Variants in ERC2 observed in about 807,000 individuals in gnomAD.
ERC2 encodes the protein ELKS/RAB6-interacting/CAST family member 2, also known as ERC protein 2.
ERC2 carries 42 observed loss-of-function variants against 114.8 expected under a neutral mutation model. The observed-to-expected ratio is 0.37, with a 90% CI of 0.29 to 0.47. The LOEUF (loss-of-function observed/expected upper bound fraction) is 0.47, where lower values mean the gene tolerates loss of function less well. ERC2 is among the 20% of genes least tolerant of loss of function. The probability of loss-of-function intolerance (pLI) is 0.99; values close to 1 mark genes in which losing one functional copy is unlikely to be tolerated. For synonymous variants in ERC2, 454 were observed against 425.5 expected, an observed-to-expected ratio of 1.07 and a Z score of -0.82; for missense variants, 939 against 1,150.7, an observed-to-expected ratio of 0.82 and a Z score of 2.66.
intron 17 of ERC2, among the ~76,000 whole-genome samples, chr3:55,614,607 TC>T (rs2059049614): frequency 6.6e-6 from 1 of 152,208 alleles, no homozygotes; most frequent in Non-Finnish European, 1.5e-5. Flanking sequence ...TACCCAATGA[TC>T]TATTATATCA....
At chr3:56,216,229 A>G (rs1479887433) in intron 3 of ERC2, among the ~76,000 whole-genome samples, 2 of 152,196 alleles carry the variant, frequency 1.3e-5, no homozygotes. Context: ...AAGATCAACA[A>G]AATTGATAGA....
chr3:56,149,235 T>C (rs2081297103), intron 4 of ERC2, 103 bp from the exon 5 acceptor site: 1 of 1,120,414 alleles, frequency 8.9e-7, no homozygotes, highest in Admixed American at 2.6e-5. Context: ...TGCTGTCACA[T>C]ATTAACCATG....
At chr3:56,420,676 G>A (rs1458544184) in intron 2 of ERC2, among the ~76,000 whole-genome samples, 1 of 151,146 alleles carries the variant, frequency 6.6e-6, no homozygotes, top group Non-Finnish European at 1.5e-5. Flanking sequence ...ACGAGGTCAG[G>A]AGATCGAGAC....
In ERC2 at chr3:55,845,503, C is replaced by CAAAA. The variant is rs764740068; in HGVS notation, c.2564+42882_2564+42885dup. On this transcript the variant is annotated intron_variant, in intron 14 of 17. Coordinates refer to ENST00000288221, the MANE Select transcript of ERC2 (RefSeq NM_015576.3). Reference sequence around the variant, plus strand: ...TGGGCGACAGAGCGAGACTCCGTCTCAAAAAAAAAAAAAAAAAAAAAAAGG... The same window carrying CAAAA: ...TGGGCGACAGAGCGAGACTCCGTCTCAAAAAAAAAAAAAAAAAAAAAAAAAAAGG... 4.6e-3 allele frequency among the ~76,000 whole-genome samples: 292 copies of CAAAA among 64,018 alleles called. 6 individuals are homozygous for CAAAA. Among genetic ancestry groups the CAAAA allele is most frequent in the African/African-American group, 0.015 (255 of 16,816 alleles). The allele number at this position is 64,018 out of a possible 152,430, so 42.0% of individuals were successfully genotyped here. A position where few individuals can be genotyped will look rare whatever the true frequency, so the allele number is the denominator to read the frequency against.
At chr3:55,514,029 C>T (rs2052309600) in intron 17 of ERC2, among the ~76,000 whole-genome samples, 1 of 152,184 alleles carries the variant, frequency 6.6e-6, no homozygotes. Context: ...GGAGTGAGAA[C>T]GTTTCAGACC....
At chr3:55,689,926 C>A (rs780134148) in intron 16 of ERC2, among the ~76,000 whole-genome samples, 2 of 152,168 alleles carry the variant, frequency 1.3e-5, no homozygotes, top group African/African-American at 4.8e-5. Flanking sequence ...GTGGATGTTA[C>A]AGACTTAGAC....
At chr3:56,465,324 G>A (rs139127722) in intron 1 of ERC2, among the ~76,000 whole-genome samples, 2,899 of 152,230 alleles carry the variant, frequency 0.019, 38 homozygotes, top group Middle Eastern at 0.068. Flanking sequence ...ACTTGAACCC[G>A]GGAGGCAGAG....
chr3:56,169,431 C>T (rs1033375241), intron 4 of ERC2, among the ~76,000 whole-genome samples: 1 of 152,154 alleles, frequency 6.6e-6, no homozygotes, highest in South Asian at 2.1e-4. Flanking sequence ...ATTATTATTA[C>T]TCTAAGGGTT....
chr3:56,124,209 C>T (rs1444222302), intron 6 of ERC2, among the ~76,000 whole-genome samples: 1 of 152,106 alleles, frequency 6.6e-6, no homozygotes, highest in Non-Finnish European at 1.5e-5. Flanking sequence ...TGCATTAATG[C>T]CATTAGTGAC....
intron 17 of ERC2, among the ~76,000 whole-genome samples, chr3:55,603,096 A>T (rs965281729): frequency 1.2e-4 from 18 of 152,132 alleles, no homozygotes; most frequent in African/African-American, 4.3e-4. Flanking sequence ...TTTACCAGGT[A>T]AGGAGAAGCT....
intron 14 of ERC2, among the ~76,000 whole-genome samples, chr3:55,867,055 T>C (rs2149274033): frequency 6.6e-6 from 1 of 152,232 alleles, no homozygotes; most frequent in East Asian, 1.9e-4. Context: ...TGTTTTGTTT[T>C]GTTTTGTTGC....
At chr3:55,876,190 C>T (rs1010554632) in intron 14 of ERC2, among the ~76,000 whole-genome samples, 1 of 152,168 alleles carries the variant, frequency 6.6e-6, no homozygotes, top group African/African-American at 2.4e-5. Flanking sequence ...TGAAATAGCT[C>T]GTTCCAGTGA....
intron 13 of ERC2, among the ~76,000 whole-genome samples, chr3:55,911,194 C>T (rs949118905): frequency 1.3e-5 from 2 of 152,140 alleles, no homozygotes; most frequent in African/African-American, 4.8e-5. Context: ...AAGAAAATCA[C>T]CAACCCAAAG....
chr3:56,350,722 A>C (rs530853545), intron 2 of ERC2, among the ~76,000 whole-genome samples: 4 of 152,338 alleles, frequency 2.6e-5, no homozygotes, highest in Admixed American at 6.5e-5. Flanking sequence ...CAAGTAAAAA[A>C]GGAGAGCATG....
chr3:56,218,500 A>G (rs900399881), intron 3 of ERC2, among the ~76,000 whole-genome samples: 5 of 148,974 alleles, frequency 3.4e-5, no homozygotes, highest in South Asian at 2.2e-4. Context: ...ACAGGTGCTA[A>G]AGAGGATGTG....
chr3:55,614,655 G>A (rs768018716), intron 17 of ERC2, among the ~76,000 whole-genome samples: 7 of 152,150 alleles, frequency 4.6e-5, no homozygotes, highest in African/African-American at 1.2e-4. Context: ...AGTAGACCAC[G>A]TGGATAAAAG....
intron 8 of ERC2, among the ~76,000 whole-genome samples, chr3:56,017,744 A>T (rs2149587968): frequency 6.6e-6 from 1 of 152,168 alleles, no homozygotes; most frequent in Non-Finnish European, 1.5e-5. Flanking sequence ...AATCCTAGGA[A>T]TGTCACGTAT....
intron 3 of ERC2, among the ~76,000 whole-genome samples, chr3:56,249,363 T>TG: frequency 6.6e-6 from 1 of 152,116 alleles, no homozygotes; most frequent in Admixed American, 6.5e-5. Context: ...TCTCGCTCTG[T>TG]CATCCAGGCT....
chr3:56,133,453 A>G (rs1458887104), intron 6 of ERC2, among the ~76,000 whole-genome samples: 3 of 152,168 alleles, frequency 2.0e-5, no homozygotes, highest in African/African-American at 7.2e-5. Context: ...ATAATAAAAT[A>G]AAATAAAACA....
Sources: allele counts gnomAD v4.1 joint callset (sites outside exome capture counted in the v4.1 genomes callset), GRCh38; gene constraint gnomAD v4.1.1; transcripts MANE v1.5; gene names NCBI Gene and HGNC (gene_info 2026-07-23, HGNC 2026-07-21).